Variants in LASP1 observed in about 807,000 individuals in gnomAD.
The protein encoded by LASP1 is LIM and SH3 domain protein 1.
LASP1 carries 10 observed loss-of-function variants against 38.6 expected under a neutral mutation model. The observed-to-expected ratio is 0.26, with a 90% CI of 0.16 to 0.44. The LOEUF is 0.44. Among genes scored for constraint, LASP1 ranks in the 20% least tolerant of loss-of-function variants. The pLI, the probability that LASP1 is intolerant of heterozygous loss-of-function variation, is 1.00. For missense variants in LASP1, 243 were observed against 375.7 expected, an observed-to-expected ratio of 0.65 and a Z score of 2.92; for synonymous variants, 132 against 140.8, an observed-to-expected ratio of 0.94 and a Z score of 0.44.
At chr17:38,881,030 G>T (rs1422316658) in intron 2 of LASP1, among the ~76,000 whole-genome samples, 1 of 152,164 alleles carries the variant, frequency 6.6e-6, no homozygotes, top group Non-Finnish European at 1.5e-5. Flanking sequence ...TTGAACCTGG[G>T]AGGCCAGGGC....
rs1567706137 is a variant in LASP1, at chr17:38,915,047, CCAG to C, written c.518_520del (p.Gln173del). On this transcript the variant is annotated inframe_deletion, in exon 6 of 7. Coordinates refer to ENST00000318008, the MANE Select transcript of LASP1 (RefSeq NM_006148.4). The stretch of plus-strand genomic sequence containing the variant: ...CTGTCTCCTCCCATCTTCCAGTTTA[CCAG>C]CAGCCCCAGCAGCAGCCGGTGGCCC... 2.5e-6 allele frequency: 4 copies of C among 1,613,764 alleles called. No individual in the cohort carries two copies. Among genetic ancestry groups the C allele is most frequent in the Middle Eastern group, 1.6e-4 (1 of 6,082 alleles).
At position 38,921,518 on chromosome 17, in the gene LASP1, G is replaced by GTATTTAA. The variant is rs1915298209; in HGVS notation, c.*2740_*2741insTATTTAA. ...CCTGTATTTAAAAAGAAACAGAAAT[G>GTATTTAA]ACCACGTGAAATTTGCCTCTGTCCA... On this transcript the variant is annotated 3_prime_UTR_variant, in exon 7 of 7. Transcript: ENST00000318008. 1.3e-5 allele frequency: 3 copies of GTATTTAA among 232,824 alleles called. No individual in the cohort carries two copies. In the East Asian group the frequency reaches 1.8e-4, roughly 14 times the overall value. The allele number at this position is 232,824 out of a possible 1,614,324, so 14.4% of individuals were successfully genotyped here.
chr17:38,886,580 G>A (rs1447322647), intron 2 of LASP1, among the ~76,000 whole-genome samples: 1 of 152,200 alleles, frequency 6.6e-6, no homozygotes, highest in Non-Finnish European at 1.5e-5. Flanking sequence ...CTAGGGGGAA[G>A]GGTGCTTCTG....
At chr17:38,913,618 G>T (rs1915019521) in intron 4 of LASP1, among the ~76,000 whole-genome samples, 1 of 152,146 alleles carries the variant, frequency 6.6e-6, no homozygotes, top group East Asian at 1.9e-4. Flanking sequence ...CGGCCCTGGC[G>T]CAGTAAGAGC....
At chr17:38,878,262 G>A (rs879239323) in intron 2 of LASP1, 82 bp downstream of exon 2, 20 of 899,642 alleles carry the variant, frequency 2.2e-5, no homozygotes, top group South Asian at 1.6e-4. Context: ...TCCAATAACC[G>A]CAAGGTGACA....
At chr17:38,899,495 C>G (rs1914581956) in intron 4 of LASP1, among the ~76,000 whole-genome samples, 1 of 152,158 alleles carries the variant, frequency 6.6e-6, no homozygotes, top group Non-Finnish European at 1.5e-5. Flanking sequence ...CAGGGCGCTC[C>G]TTTAAGAGCT....
chr17:38,920,866 T>C lies in LASP1; in HGVS notation c.*2088T>C. 1 of 232,408 alleles carries C rather than the reference T, an allele frequency of 4.3e-6. No homozygotes were observed. The highest frequency in any genetic ancestry group is 6.1e-5 in the East Asian group (1 of 16,454). 14.4% of individuals were successfully genotyped at this position (232,408 alleles called of 1,614,324 possible). Reference sequence around the variant, plus strand: ...GTTTCCTCTTGATCTCAAAGCACAATGTGGATTTGGGGACCAAAGGTCAGG... The same window carrying C: ...GTTTCCTCTTGATCTCAAAGCACAACGTGGATTTGGGGACCAAAGGTCAGG... On this transcript the variant is annotated 3_prime_UTR_variant, in exon 7 of 7. Transcript: ENST00000318008.
In LASP1 at chr17:38,914,375, C is replaced by T. The variant is rs749874153; in HGVS notation, c.408C>T (p.Gly136=). The change falls in exon 5 of 7, where the codon GGC becomes GGT. Residue 136 remains glycine (G), a synonymous_variant. Transcript: ENST00000318008. ...FEKSRMGPSG[G]EGMEPERRDS... is the part of the protein sequence containing the mutation. ...AGAGCCGCATGGGCCCTAGCGGGGGCGAGGGCATGGAGCCAGAGCGTCGGG... is the reference window on the plus strand; with the variant it reads ...AGAGCCGCATGGGCCCTAGCGGGGGTGAGGGCATGGAGCCAGAGCGTCGGG... 14 of 1,612,022 alleles carry T rather than the reference C, an allele frequency of 8.7e-6. No homozygotes were observed. The African/African-American group carries it at 1.6e-4, about 18-fold the overall frequency.
chr17:38,893,813 C>T (rs1008414051), intron 3 of LASP1, among the ~76,000 whole-genome samples: 2 of 152,116 alleles, frequency 1.3e-5, no homozygotes, highest in African/African-American at 4.8e-5. Context: ...CTGTGGCTGC[C>T]GTGGGGGCAG....
At chr17:38,888,502 T>G (rs750231245) in intron 2 of LASP1, among the ~76,000 whole-genome samples, 2 of 152,210 alleles carry the variant, frequency 1.3e-5, no homozygotes, top group Non-Finnish European at 1.5e-5. Flanking sequence ...GGTCTCGAAC[T>G]CCTGGCCTCA....
chr17:38,920,604 C>G lies in LASP1; in HGVS notation c.*1826C>G, dbSNP rs1218070087. 8.5e-6 allele frequency: 2 copies of G among 235,286 alleles called. No individual in the cohort carries two copies. The highest frequency in any genetic ancestry group is 4.4e-5 in the African/African-American group (2 of 45,336). The allele number at this position is 235,286 out of a possible 1,614,324, so 14.6% of individuals were successfully genotyped here. A position where few individuals can be genotyped will look rare whatever the true frequency, so the allele number is the denominator to read the frequency against. Reference sequence around the variant, plus strand: ...CAGGACCTGAAGGTATTGGCCTGTTCAACAATCAGTCATCATGGGTGTTTT... The same window carrying G: ...CAGGACCTGAAGGTATTGGCCTGTTGAACAATCAGTCATCATGGGTGTTTT... On this transcript the variant is annotated 3_prime_UTR_variant, in exon 7 of 7. Coordinates refer to ENST00000318008, the MANE Select transcript of LASP1 (RefSeq NM_006148.4).
At chr17:38,917,778 C>G (rs997120991) in intron 6 of LASP1, among the ~76,000 whole-genome samples, 5 of 151,966 alleles carry the variant, frequency 3.3e-5, no homozygotes, top group African/African-American at 1.2e-4. Context: ...CAGCCTTAAC[C>G]TCCTGGGTTG....
intron 1 of LASP1, among the ~76,000 whole-genome samples, chr17:38,875,970 C>T (rs528767227): frequency 1.3e-5 from 2 of 152,108 alleles, no homozygotes; most frequent in African/African-American, 2.4e-5. Flanking sequence ...GGGGCAGGGA[C>T]AGGCCAGCCA....
chr17:38,888,864 A>G (rs923664622), intron 2 of LASP1, among the ~76,000 whole-genome samples: 5 of 125,324 alleles, frequency 4.0e-5, no homozygotes, highest in African/African-American at 1.4e-4. Context: ...GCTGCCTCCA[A>G]GCCAGGCCCT....
intron 4 of LASP1, 164 bp downstream of exon 4, chr17:38,898,683 T>A: frequency 1.5e-6 from 1 of 679,614 alleles, no homozygotes; most frequent in South Asian, 1.5e-5. Context: ...CCCAGATGCC[T>A]CTTCTCTGTG....
chr17:38,892,590 ACC>A lies in LASP1; in HGVS notation c.249+2088_249+2089del, dbSNP rs59722980. Among the ~76,000 whole-genome samples the A allele has an allele frequency of 2.8e-4, 40 of 140,462 alleles. No individual in the cohort carries two copies. The East Asian group carries it at 8.6e-3, about 30-fold the overall frequency. 92.1% of individuals were successfully genotyped at this position (140,462 alleles called of 152,430 possible). A position where few individuals can be genotyped will look rare whatever the true frequency, so the allele number is the denominator to read the frequency against. ...CACACACACACACACACACACACAC[ACC>A]CTTCTCAGGGGAGAAATTCAAACCC... On this transcript the variant is annotated intron_variant, in intron 3 of 6. Coordinates refer to ENST00000318008, the MANE Select transcript of LASP1 (RefSeq NM_006148.4).
chr17:38,888,364 A>G (rs927860357), intron 2 of LASP1, among the ~76,000 whole-genome samples: 7 of 150,200 alleles, frequency 4.7e-5, no homozygotes, highest in African/African-American at 1.5e-4. Flanking sequence ...TGCAAGCTCC[A>G]CCTCCCAGGT....
In LASP1 at chr17:38,919,664, T is replaced by A. The variant is rs182927715; in HGVS notation, c.*886T>A. ...CCTCAGGACCTTTTGGTCTTCAGCC[T>A]CCCTCAGCCCCCAGGATCTGGGTTA... is the stretch of plus-strand genomic sequence containing the variant. On this transcript the variant is annotated 3_prime_UTR_variant, in exon 7 of 7. Transcript: ENST00000318008. 1.6e-3 allele frequency: 536 copies of A among 335,966 alleles called. 1 individual carries two copies. The highest frequency in any genetic ancestry group is 1.0e-2 in the African/African-American group (495 of 49,618). 20.8% of individuals were successfully genotyped at this position (335,966 alleles called of 1,614,324 possible).
rs368636929 is a variant in LASP1, at chr17:38,918,742, G to T, written c.750G>T (p.Thr250=). The change falls in exon 7 of 7, where the codon ACG becomes ACT. Residue 250 remains threonine (T), a synonymous_variant. Transcript: ENST00000318008. This position sits in a 1 kb window ranked among gnomAD's most constrained non-coding sequence, Gnocchi z 4.4. The part of the protein sequence containing the change: ...MYGTVERTGD[T]GMLPANYVEA... ...GGACGGTGGAGCGCACCGGCGACAC[G>T]GGGATGCTGCCGGCCAACTACGTGG... The T allele has an allele frequency of 2.5e-6, 4 of 1,614,030 alleles. No individual in the cohort carries two copies. In the East Asian group the frequency reaches 6.7e-5, roughly 27 times the overall value.
Sources: gnomAD v4.1 joint callset for allele counts (sites outside exome capture counted in the v4.1 genomes callset) on GRCh38, gnomAD v4.1.1 for gene constraint, Gnocchi (gnomAD v3.1) non-coding constraint, MANE v1.5 for transcripts, NCBI Gene and HGNC (gene_info 2026-07-23, HGNC 2026-07-21) for gene names.